Variants in BTG4 observed in about 807,000 individuals in gnomAD.
BTG4 encodes BTG anti-proliferation factor 4, also known as protein BTG4.
A neutral mutation model predicts 19.3 loss-of-function variants in BTG4; 10 were observed. The observed-to-expected ratio is 0.52, with a 90% CI of 0.32 to 0.88. The LOEUF (loss-of-function observed/expected upper bound fraction) is 0.88, where lower values mean the gene tolerates loss of function less well. Among genes scored for constraint, BTG4 ranks in the 40% least tolerant of loss-of-function variants. BTG4 has a pLI of 0.04. For synonymous variants in BTG4, 91 were observed against 95.7 expected (o/e 0.95, Z 0.29); for missense variants, 238 against 281.9 (o/e 0.84, Z 1.11).
the BTG4 span, chr11:111,461,996 A>T: frequency 1.3e-5 from 2 of 152,910 alleles, no homozygotes; most frequent in African/African-American, 4.8e-5. Flanking sequence ...CTGAGCCAGG[A>T]GCTCCACTCC....
chr11:111,499,869 C>T (rs936252547), intron 1 of BTG4, among the ~76,000 whole-genome samples: 2 of 152,050 alleles, frequency 1.3e-5, no homozygotes, highest in African/African-American at 4.8e-5. Flanking sequence ...TGGCCAGGCG[C>T]GGTGGCTCAT....
At chr11:111,438,209 G>A in the BTG4 span, among the ~76,000 whole-genome samples, 2 of 152,210 alleles carry the variant, frequency 1.3e-5, no homozygotes, top group Non-Finnish European at 2.9e-5. Context: ...GTGCTGACAC[G>A]GGGTCCCAGA....
the BTG4 span, among the ~76,000 whole-genome samples, chr11:111,388,339 T>A: frequency 1.3e-5 from 2 of 151,800 alleles, no homozygotes; most frequent in African/African-American, 4.8e-5. Context: ...GTGTGTGTTT[T>A]TTTTTTTTTA....
At chr11:111,415,439 G>A in the BTG4 span, among the ~76,000 whole-genome samples, 2 of 152,184 alleles carry the variant, frequency 1.3e-5, no homozygotes, top group Non-Finnish European at 2.9e-5. Flanking sequence ...CAAAAGAATT[G>A]GAGATTTCTT....
downstream of BTG4, among the ~76,000 whole-genome samples, chr11:111,491,759 G>A (rs1295444208): frequency 2.0e-3 from 297 of 146,114 alleles, 1 homozygote; most frequent in African/African-American, 7.2e-3. Context: ...AAGAAAGAAA[G>A]AAAGAAAAGA....
At chr11:111,408,696 G>C in the BTG4 span, among the ~76,000 whole-genome samples, 3 of 152,370 alleles carry the variant, frequency 2.0e-5, no homozygotes, top group African/African-American at 7.2e-5. Context: ...AGACCCATGA[G>C]AGATGGCAAC....
chr11:111,411,620 A>C, the BTG4 span, among the ~76,000 whole-genome samples: 3 of 152,234 alleles, frequency 2.0e-5, no homozygotes, highest in African/African-American at 7.2e-5. Context: ...TCAACCAAGG[A>C]TCTTGTTACC....
chr11:111,389,858 G>T, the BTG4 span, among the ~76,000 whole-genome samples: 1 of 152,138 alleles, frequency 6.6e-6, no homozygotes, highest in Non-Finnish European at 1.5e-5. Context: ...AAAAGTGGAG[G>T]GAGGCAGAAG....
At chr11:111,464,340 A>C (rs1224804788), downstream of BTG4, among the ~76,000 whole-genome samples, 1 of 151,992 alleles carries the variant, frequency 6.6e-6, no homozygotes, top group Non-Finnish European at 1.5e-5. Context: ...ACAACCCATC[A>C]CTTTTGCCAT....
At chr11:111,491,328 G>A (rs1373374191), downstream of BTG4, among the ~76,000 whole-genome samples, 1 of 152,158 alleles carries the variant, frequency 6.6e-6, no homozygotes, top group Non-Finnish European at 1.5e-5. Flanking sequence ...ATATCTGGTT[G>A]TGATACTGTA....
chr11:111,511,925 A>G (rs1591547194), intron 1 of BTG4, among the ~76,000 whole-genome samples: 1 of 152,170 alleles, frequency 6.6e-6, no homozygotes, highest in Non-Finnish European at 1.5e-5. Context: ...GTAATTTATT[A>G]TATATATACT....
the BTG4 span, among the ~76,000 whole-genome samples, chr11:111,393,058 T>C: frequency 6.4e-4 from 97 of 152,220 alleles, no homozygotes; most frequent in Non-Finnish European, 6.3e-4. Context: ...GATTATACCA[T>C]ATCGTCACCT....
chr11:111,412,656 G>A, the BTG4 span, among the ~76,000 whole-genome samples: 1 of 152,024 alleles, frequency 6.6e-6, no homozygotes, highest in African/African-American at 2.4e-5. Flanking sequence ...GTCTTACGAG[G>A]TTGGTACCTT....
At chr11:111,395,457 T>A in the BTG4 span, among the ~76,000 whole-genome samples, 1 of 152,160 alleles carries the variant, frequency 6.6e-6, no homozygotes, top group Non-Finnish European at 1.5e-5. Context: ...ACTGAGCAGG[T>A]CCTGGGATCA....
At chr11:111,461,433 C>A in the BTG4 span, among the ~76,000 whole-genome samples, 1 of 152,126 alleles carries the variant, frequency 6.6e-6, no homozygotes, top group African/African-American at 2.4e-5. Context: ...AACCAGGGAG[C>A]TTGAAGAAAA....
At chr11:111,473,164 A>G (rs1014404855) in intron 5 of BTG4, 7 of 152,220 alleles carry the variant, frequency 4.6e-5, no homozygotes, top group Admixed American at 1.3e-4. Flanking sequence ...ACCACCCCCT[A>G]TGAAGAGATA....
chr11:111,500,837 T>A (rs769682601), intron 1 of BTG4, among the ~76,000 whole-genome samples: 1 of 152,184 alleles, frequency 6.6e-6, no homozygotes, highest in Non-Finnish European at 1.5e-5. Context: ...CAGACTCACA[T>A]TGAATTTGCA....
chr11:111,447,299 C>T, the BTG4 span, among the ~76,000 whole-genome samples: 1 of 152,176 alleles, frequency 6.6e-6, no homozygotes, highest in African/African-American at 2.4e-5. Flanking sequence ...GACTGGTTGC[C>T]TGAATTTTCA....
At chr11:111,427,604 T>G in the BTG4 span, among the ~76,000 whole-genome samples, 1 of 152,084 alleles carries the variant, frequency 6.6e-6, no homozygotes, top group Non-Finnish European at 1.5e-5. Context: ...AGCTGTGACC[T>G]GAGAAACGTG....
Sources: gnomAD v4.1 joint callset for allele counts (sites outside exome capture counted in the v4.1 genomes callset) on GRCh38, gnomAD v4.1.1 for gene constraint, MANE v1.5 for transcripts, NCBI Gene and HGNC (gene_info 2026-07-23, HGNC 2026-07-21) for gene names.